The following RIT2 variants were observed in gnomAD, a reference collection of about 807,000 sequenced individuals.
The protein encoded by RIT2 is GTP-binding protein Rit2.
RIT2 carries 24 observed loss-of-function variants against 23.7 expected under a neutral mutation model. That is an observed-to-expected ratio of 1.01 (90% confidence interval 0.73 to 1.43). The LOEUF (loss-of-function observed/expected upper bound fraction) is 1.43, where lower values mean the gene tolerates loss of function less well. RIT2 is among the 40% of genes most tolerant of loss of function. The probability of loss-of-function intolerance (pLI) is 0.00; values close to 1 mark genes in which losing one functional copy is unlikely to be tolerated. For synonymous variants in RIT2, 107 were observed against 91.1 expected (o/e 1.17, Z -0.99); for missense variants, 236 against 266.9 (o/e 0.88, Z 0.81).
chr18:42,987,382 C>A (rs1458318456), intron 2 of RIT2, among the ~76,000 whole-genome samples: 1 of 152,122 alleles, frequency 6.6e-6, no homozygotes, highest in African/African-American at 2.4e-5. Context: ...ATTCCCTCAC[C>A]CTGCTGATTT....
intron 1 of RIT2, among the ~76,000 whole-genome samples, chr18:43,099,573 A>T (rs990745041): frequency 1.3e-5 from 2 of 152,100 alleles, no homozygotes; most frequent in Admixed American, 1.3e-4. Context: ...TTTAATCTTC[A>T]TATTTCCCCT....
chr18:42,903,183 T>C (rs1262796414), intron 4 of RIT2, among the ~76,000 whole-genome samples: 3 of 152,020 alleles, frequency 2.0e-5, no homozygotes, highest in Admixed American at 2.0e-4. Context: ...AGGTGCGATA[T>C]GTTAATGTGC....
intron 1 of RIT2, among the ~76,000 whole-genome samples, chr18:43,058,127 G>A (rs1252101504): frequency 6.6e-6 from 1 of 152,120 alleles, no homozygotes; most frequent in African/African-American, 2.4e-5. Flanking sequence ...TTGCTGCCAT[G>A]GTACATGGCT....
At chr18:42,908,584 G>A (rs1480743434) in intron 4 of RIT2, among the ~76,000 whole-genome samples, 1 of 152,170 alleles carries the variant, frequency 6.6e-6, no homozygotes, top group African/African-American at 2.4e-5. Context: ...CAGGTTTAAT[G>A]ACAGAATCTG....
chr18:42,775,867 A>ACG (rs1334850337), intron 4 of RIT2, among the ~76,000 whole-genome samples: 1 of 151,616 alleles, frequency 6.6e-6, no homozygotes, highest in African/African-American at 2.4e-5. Flanking sequence ...ACATACACAC[A>ACG]CACACACACA....
chr18:42,878,565 CTGTGTGTGTGTG>C (rs71371607), intron 4 of RIT2, among the ~76,000 whole-genome samples: 7 of 147,610 alleles, frequency 4.7e-5, no homozygotes, highest in Non-Finnish European at 7.5e-5. Flanking sequence ...AGATTCAACT[CTGTGTGTGTGTG>C]TGTGTGTGTG....
At chr18:43,036,820 C>G (rs1911991828) in intron 1 of RIT2, among the ~76,000 whole-genome samples, 1 of 152,116 alleles carries the variant, frequency 6.6e-6, no homozygotes, top group Admixed American at 6.5e-5. Flanking sequence ...TATAGGACAT[C>G]TAACAGGCAT....
At chr18:42,821,935 A>T (rs1302856704) in intron 4 of RIT2, among the ~76,000 whole-genome samples, 1 of 152,188 alleles carries the variant, frequency 6.6e-6, no homozygotes, top group Non-Finnish European at 1.5e-5. Flanking sequence ...AACTGTGACC[A>T]TTGAAAATAC....
chr18:43,078,339 CT>C (rs1376181899), intron 1 of RIT2, among the ~76,000 whole-genome samples: 1 of 152,174 alleles, frequency 6.6e-6, no homozygotes, highest in Non-Finnish European at 1.5e-5. Context: ...TGCCACTGTA[CT>C]TTTGCCCAAG....
intron 4 of RIT2, among the ~76,000 whole-genome samples, chr18:42,885,944 T>C (rs73471675): frequency 0.026 from 3,914 of 152,308 alleles, 163 homozygotes; most frequent in African/African-American, 0.087. Context: ...GACATTATCA[T>C]GAAGGGGCCG....
chr18:43,105,100 C>CTGTGTGTGTGTGTGTG (rs756311809), intron 1 of RIT2, among the ~76,000 whole-genome samples: 4 of 142,978 alleles, frequency 2.8e-5, no homozygotes, highest in Non-Finnish European at 4.6e-5. Flanking sequence ...AGGCAGTGTG[C>CTGTGTGTGTGTGTGTG]TGTGTGTGTG....
intron 4 of RIT2, among the ~76,000 whole-genome samples, chr18:42,792,157 C>A (rs1391825438): frequency 6.6e-6 from 1 of 152,076 alleles, no homozygotes; most frequent in African/African-American, 2.4e-5. Context: ...TCCAACTATA[C>A]AAAAAAACTC....
chr18:42,912,791 A>C (rs1908804629), intron 4 of RIT2, among the ~76,000 whole-genome samples: 1 of 151,998 alleles, frequency 6.6e-6, no homozygotes, highest in Admixed American at 6.6e-5. Flanking sequence ...AATACTTGGA[A>C]AAACATATTC....
At chr18:42,846,782 A>T (rs1442163577) in intron 4 of RIT2, among the ~76,000 whole-genome samples, 1 of 152,162 alleles carries the variant, frequency 6.6e-6, no homozygotes, top group African/African-American at 2.4e-5. Context: ...AACGCTTCAA[A>T]TTTATAAGAA....
chr18:42,985,074 T>A (rs1910680312), intron 2 of RIT2, among the ~76,000 whole-genome samples: 1 of 152,132 alleles, frequency 6.6e-6, no homozygotes, highest in African/African-American at 2.4e-5. Context: ...ATGATTTTGT[T>A]GAGTTTTCTG....
chr18:42,777,441 A>C (rs1048250565), intron 4 of RIT2, among the ~76,000 whole-genome samples: 1 of 152,152 alleles, frequency 6.6e-6, no homozygotes, highest in African/African-American at 2.4e-5. Context: ...AGGAAGAGGA[A>C]CCAACAAAGA....
intron 4 of RIT2, among the ~76,000 whole-genome samples, chr18:42,799,407 A>G (rs1229803728): frequency 6.6e-6 from 1 of 152,216 alleles, no homozygotes. Context: ...CCAAATAAAT[A>G]ACTCTAAAAA....
intron 1 of RIT2, among the ~76,000 whole-genome samples, chr18:43,072,244 C>T (rs1464176424): frequency 1.3e-5 from 2 of 152,036 alleles, no homozygotes; most frequent in East Asian, 3.9e-4. Context: ...CCTCAGCCTC[C>T]CAAGGTTCTG....
chr18:42,767,979 T>C (rs670649), intron 4 of RIT2, among the ~76,000 whole-genome samples: 149,335 of 151,980 alleles, frequency 0.98, 73,442 homozygotes, highest in Middle Eastern at 1. Flanking sequence ...TTTTTTTTTG[T>C]CCAGTTTCAA....
Sources: gnomAD v4.1 joint callset for allele counts (sites outside exome capture counted in the v4.1 genomes callset) on GRCh38, gnomAD v4.1.1 for gene constraint, MANE v1.5 for transcripts, NCBI Gene and HGNC (gene_info 2026-07-23, HGNC 2026-07-21) for gene names.